Variants in BTBD9 observed in about 807,000 individuals in gnomAD.
The protein encoded by BTBD9 is BTB domain containing 9.
In BTBD9, 49 loss-of-function variants were observed where a neutral mutation model predicts 64.3. The ratio of observed to expected loss-of-function variants is 0.76; its 90% CI spans 0.61 to 0.97. The LOEUF (loss-of-function observed/expected upper bound fraction) is 0.97, where lower values mean the gene tolerates loss of function less well. BTBD9 is among the 50% of genes least tolerant of loss of function. The pLI is 0.00. For synonymous variants in BTBD9, 260 were observed against 274.7 expected, an observed-to-expected ratio of 0.95 and a Z score of 0.53; for missense variants, 598 against 762.1, an observed-to-expected ratio of 0.78 and a Z score of 2.53.
chr6:38,489,667 G>C (rs1270482131), intron 6 of BTBD9, among the ~76,000 whole-genome samples: 1 of 152,166 alleles, frequency 6.6e-6, no homozygotes, highest in Non-Finnish European at 1.5e-5. Context: ...CAGTGATTAT[G>C]AGCATTATTC....
At chr6:38,370,889 G>C (rs998712176) in intron 6 of BTBD9, among the ~76,000 whole-genome samples, 3 of 152,142 alleles carry the variant, frequency 2.0e-5, no homozygotes, top group Non-Finnish European at 4.4e-5. Context: ...GCCTGGTGTG[G>C]GACATTTTTT....
chr6:38,201,808 A>G (rs1408028697), intron 9 of BTBD9, among the ~76,000 whole-genome samples: 2 of 152,216 alleles, frequency 1.3e-5, no homozygotes, highest in Non-Finnish European at 2.9e-5. Flanking sequence ...TGAACTAGCT[A>G]AGAAAGAAGT....
chr6:38,283,608 C>T (rs573170677), intron 8 of BTBD9, among the ~76,000 whole-genome samples: 36 of 152,278 alleles, frequency 2.4e-4, no homozygotes. Context: ...ATGATCACAC[C>T]ATCATGTTTG....
chr6:38,572,232 A>G (rs1305412563), intron 6 of BTBD9, among the ~76,000 whole-genome samples: 1 of 152,164 alleles, frequency 6.6e-6, no homozygotes, highest in Non-Finnish European at 1.5e-5. Context: ...AAACCTTGGC[A>G]ATCTTCTTCA....
chr6:38,374,439 A>T (rs4711543), intron 6 of BTBD9, among the ~76,000 whole-genome samples: 4 of 148,158 alleles, frequency 2.7e-5, no homozygotes, highest in African/African-American at 1.0e-4. Context: ...AAAGAATCAC[A>T]TTATTTTTAA....
intron 8 of BTBD9, among the ~76,000 whole-genome samples, chr6:38,261,106 ATAT>A (rs1473947176): frequency 6.6e-6 from 1 of 151,420 alleles, no homozygotes; most frequent in Non-Finnish European, 1.5e-5. Flanking sequence ...CGCCCAGCTG[ATAT>A]TTTTTTTTTT....
intron 6 of BTBD9, among the ~76,000 whole-genome samples, chr6:38,479,131 G>A (rs1489062931): frequency 6.6e-6 from 1 of 152,196 alleles, no homozygotes; most frequent in African/African-American, 2.4e-5. Flanking sequence ...CACAGGAGGA[G>A]AGATTTCCCT....
intron 2 of BTBD9, among the ~76,000 whole-genome samples, chr6:38,595,322 A>G (rs929130711): frequency 6.6e-6 from 1 of 152,200 alleles, no homozygotes; most frequent in Admixed American, 6.5e-5. Context: ...TTAAAAATGA[A>G]ATTACTGATA....
chr6:38,494,109 A>G (rs551742567), intron 6 of BTBD9, among the ~76,000 whole-genome samples: 1 of 152,322 alleles, frequency 6.6e-6, no homozygotes, highest in African/African-American at 2.4e-5. Flanking sequence ...TCTGACTTGA[A>G]TAAGTGGTTT....
intron 6 of BTBD9, among the ~76,000 whole-genome samples, chr6:38,533,137 A>AAC (rs1562306809): frequency 4.6e-5 from 7 of 151,664 alleles, no homozygotes; most frequent in South Asian, 2.1e-4. Context: ...AATAAAAAAA[A>AAC]CAAGACCCAA....
At chr6:38,474,261 T>G (rs1211932146) in intron 6 of BTBD9, among the ~76,000 whole-genome samples, 2 of 152,134 alleles carry the variant, frequency 1.3e-5, no homozygotes, top group Non-Finnish European at 2.9e-5. Flanking sequence ...TGGTAGCTCG[T>G]AACTGTAATT....
chr6:38,499,711 G>GA (rs61332968), intron 6 of BTBD9, among the ~76,000 whole-genome samples: 40,407 of 152,060 alleles, frequency 0.27, 6,143 homozygotes, highest in East Asian at 0.54. Context: ...ACCATGCAGA[G>GA]AAAAACAAAA....
chr6:38,367,361 A>C (rs1049642314), intron 6 of BTBD9, among the ~76,000 whole-genome samples: 5 of 152,216 alleles, frequency 3.3e-5, no homozygotes, highest in African/African-American at 1.2e-4. Flanking sequence ...ATAGTGACTT[A>C]GATTTTCTTG....
intron 6 of BTBD9, among the ~76,000 whole-genome samples, chr6:38,473,525 A>C (rs183598083): frequency 6.6e-6 from 1 of 152,338 alleles, no homozygotes; most frequent in African/African-American, 2.4e-5. Flanking sequence ...GCCCTCATTC[A>C]TCACTTCTGA....
At chr6:38,212,818 C>G (rs1702866810) in intron 9 of BTBD9, among the ~76,000 whole-genome samples, 1 of 152,208 alleles carries the variant, frequency 6.6e-6, no homozygotes, top group South Asian at 2.1e-4. Context: ...CCTCCTCCTC[C>G]TGGCTCCGTG....
intron 6 of BTBD9, among the ~76,000 whole-genome samples, chr6:38,353,539 G>A (rs776159138): frequency 6.6e-6 from 1 of 152,112 alleles, no homozygotes; most frequent in Non-Finnish European, 1.5e-5. Flanking sequence ...ATTCCCATAT[G>A]GGAATAATTT....
At chr6:38,405,803 G>C (rs1312231211) in intron 6 of BTBD9, among the ~76,000 whole-genome samples, 1 of 152,148 alleles carries the variant, frequency 6.6e-6, no homozygotes, top group Non-Finnish European at 1.5e-5. Context: ...CATACTGATC[G>C]CAGATCTTCT....
At chr6:38,202,080 T>G (rs1298181176) in intron 9 of BTBD9, among the ~76,000 whole-genome samples, 1 of 140,076 alleles carries the variant, frequency 7.1e-6, no homozygotes, top group Non-Finnish European at 1.5e-5. Context: ...AATGTCGTTT[T>G]TTTTGTTTTT....
chr6:38,232,830 C>T lies in BTBD9; in HGVS notation c.1562+23579G>A, dbSNP rs540909155. The stretch of plus-strand genomic sequence containing the variant: ...TTTTTAAATGAGTCTCTCTGGATCA[C>T]GGATTAGTAACACATAAGAGGCCAG... On this transcript the variant is annotated intron_variant, in intron 9 of 10. Coordinates refer to ENST00000481247, the MANE Select transcript of BTBD9 (RefSeq NM_001099272.2). Among the ~76,000 whole-genome samples, 13 of 152,208 alleles carry T rather than the reference C, an allele frequency of 8.5e-5. No individual in the cohort carries two copies. In the South Asian group the frequency reaches 2.1e-3, roughly 24 times the overall value.
Sources: gnomAD v4.1 joint callset for allele counts (sites outside exome capture counted in the v4.1 genomes callset) on GRCh38, gnomAD v4.1.1 for gene constraint, MANE v1.5 for transcripts, NCBI Gene and HGNC (gene_info 2026-07-23, HGNC 2026-07-21) for gene names.